Variants in PDE1C observed in about 807,000 individuals in gnomAD.
The protein encoded by PDE1C is dual specificity calcium/calmodulin-dependent 3',5'-cyclic nucleotide phosphodiesterase 1C.
Under a neutral mutation model 93.1 loss-of-function variants are expected in PDE1C, and 62 were observed. That is an observed-to-expected ratio of 0.67 (90% CI 0.54 to 0.82). The LOEUF is 0.82. Among genes scored for constraint, PDE1C ranks in the 40% least tolerant of loss-of-function variants. PDE1C has a pLI of 0.00. For missense variants in PDE1C, 742 were observed against 884.6 expected, an observed-to-expected ratio of 0.84 and a Z score of 2.04; for synonymous variants, 325 against 310.1, an observed-to-expected ratio of 1.05 and a Z score of -0.50.
At chr7:31,709,780 T>C in the PDE1C span, among the ~76,000 whole-genome samples, 1 of 152,160 alleles carries the variant, frequency 6.6e-6, no homozygotes, top group Non-Finnish European at 1.5e-5. Flanking sequence ...AATTTCATGA[T>C]TAGCATTATA....
At chr7:31,974,504 AC>A (rs1811382869) in intron 2 of PDE1C, among the ~76,000 whole-genome samples, 1 of 152,200 alleles carries the variant, frequency 6.6e-6, no homozygotes, top group Admixed American at 6.5e-5. Context: ...ACTAAACTGT[AC>A]TAACAACACC....
intron 16 of PDE1C, among the ~76,000 whole-genome samples, chr7:31,779,666 A>G (rs1183620248): frequency 6.6e-6 from 1 of 152,200 alleles, no homozygotes; most frequent in Non-Finnish European, 1.5e-5. Flanking sequence ...GCGGGGATAC[A>G]TAAAATAAAA....
chr7:32,114,280 A>G (rs1798858801), intron 3 of PDE1C, among the ~76,000 whole-genome samples: 1 of 152,212 alleles, frequency 6.6e-6, no homozygotes, highest in Non-Finnish European at 1.5e-5. Flanking sequence ...AGACATATAT[A>G]CCAACGGAAC....
At chr7:31,722,308 CT>C in the PDE1C span, among the ~76,000 whole-genome samples, 1 of 152,152 alleles carries the variant, frequency 6.6e-6, no homozygotes, top group Non-Finnish European at 1.5e-5. Flanking sequence ...AACCTGACTG[CT>C]TTTATGGTCT....
intron 1 of PDE1C, among the ~76,000 whole-genome samples, chr7:32,053,506 T>C (rs1476032292): frequency 6.6e-6 from 1 of 152,086 alleles, no homozygotes; most frequent in Non-Finnish European, 1.5e-5. Context: ...AAGGTACAAC[T>C]GGCAAGACGA....
At chr7:32,072,500 T>G (rs959177176), upstream of PDE1C, among the ~76,000 whole-genome samples, 1 of 152,134 alleles carries the variant, frequency 6.6e-6, no homozygotes, top group African/African-American at 2.4e-5. Context: ...CAAGAGGAAA[T>G]TTTTATAGTG....
chr7:31,887,118 G>A (rs1174495156), intron 2 of PDE1C, among the ~76,000 whole-genome samples: 1 of 152,150 alleles, frequency 6.6e-6, no homozygotes, highest in Non-Finnish European at 1.5e-5. Flanking sequence ...TAATCAGGCT[G>A]GTCTGATACT....
intron 1 of PDE1C, among the ~76,000 whole-genome samples, chr7:32,317,563 A>G (rs190783250): frequency 3.9e-5 from 6 of 152,010 alleles, no homozygotes; most frequent in Non-Finnish European, 7.4e-5. Flanking sequence ...AAGAGTGATA[A>G]AAAGACATGA....
chr7:31,818,028 G>T (rs1788481075), intron 14 of PDE1C, among the ~76,000 whole-genome samples: 1 of 152,056 alleles, frequency 6.6e-6, no homozygotes, highest in Non-Finnish European at 1.5e-5. Context: ...TAAGATTCTG[G>T]AGAAGGAGGG....
intron 2 of PDE1C, among the ~76,000 whole-genome samples, chr7:31,982,704 T>C (rs1367006298): frequency 6.6e-6 from 1 of 152,090 alleles, no homozygotes; most frequent in African/African-American, 2.4e-5. Context: ...ATAACAATTG[T>C]AGAATCTAGA....
chr7:31,667,849 T>A, the PDE1C span, among the ~76,000 whole-genome samples: 23 of 151,800 alleles, frequency 1.5e-4, no homozygotes, highest in African/African-American at 5.6e-4. Context: ...AAAAAAAAAT[T>A]CAAGCCACAG....
Position 31,998,887 on chromosome 7 carries a change from A to G in PDE1C, c.128+52667T>C, listed in dbSNP as rs149800401. On this transcript the variant is annotated intron_variant, in intron 2 of 17. Transcript: ENST00000396191. Reference sequence around the variant, plus strand: ...AACAGTTTAATTACAGCTACTCTCTATGCAAAATCCACTGCAACCAAGCAG... The same window carrying G: ...AACAGTTTAATTACAGCTACTCTCTGTGCAAAATCCACTGCAACCAAGCAG... Among the ~76,000 whole-genome samples the G allele has an allele frequency of 4.6e-3, 707 of 152,144 alleles. 4 individuals carry two copies. Among genetic ancestry groups the G allele is most frequent in the African/African-American group, 0.016 (653 of 41,424 alleles).
chr7:32,272,724 C>T (rs1811047741), intron 1 of PDE1C, among the ~76,000 whole-genome samples: 1 of 152,160 alleles, frequency 6.6e-6, no homozygotes, highest in African/African-American at 2.4e-5. Flanking sequence ...CACCCCCTTC[C>T]ACTAAGCCAG....
intron 2 of PDE1C, among the ~76,000 whole-genome samples, chr7:31,948,989 C>T (rs929763081): frequency 1.4e-4 from 22 of 152,070 alleles, no homozygotes; most frequent in African/African-American, 5.3e-4. Flanking sequence ...AAATGGCAAA[C>T]TTTAGGGGTG....
At chr7:31,794,077 C>CAGAT (rs1196325805) in intron 16 of PDE1C, among the ~76,000 whole-genome samples, 109 of 135,094 alleles carry the variant, frequency 8.1e-4, no homozygotes, top group African/African-American at 2.2e-3. Flanking sequence ...GACAGACAGA[C>CAGAT]AGACAGACAG....
At chr7:32,026,532 T>C (rs1789462033) in intron 2 of PDE1C, among the ~76,000 whole-genome samples, 1 of 152,144 alleles carries the variant, frequency 6.6e-6, no homozygotes, top group Non-Finnish European at 1.5e-5. Flanking sequence ...CACCAAATGC[T>C]GTAGAGGATG....
At chr7:31,726,021 G>A in the PDE1C span, among the ~76,000 whole-genome samples, 1 of 152,076 alleles carries the variant, frequency 6.6e-6, no homozygotes, top group Non-Finnish European at 1.5e-5. Flanking sequence ...TATACATTTT[G>A]GTGTATTTGT....
At chr7:31,719,933 C>T in the PDE1C span, among the ~76,000 whole-genome samples, 1 of 150,874 alleles carries the variant, frequency 6.6e-6, no homozygotes, top group Non-Finnish European at 1.5e-5. Context: ...GAGGCCGAGG[C>T]GGGTGGATCA....
chr7:31,720,119 C>T, the PDE1C span, among the ~76,000 whole-genome samples: 4 of 137,820 alleles, frequency 2.9e-5, no homozygotes, highest in Admixed American at 2.3e-4. Flanking sequence ...GCCGAGATTG[C>T]GCCACTGCAG....
Sources: gnomAD v4.1 joint callset for allele counts (sites outside exome capture counted in the v4.1 genomes callset) on GRCh38, gnomAD v4.1.1 for gene constraint, MANE v1.5 for transcripts, NCBI Gene and HGNC (gene_info 2026-07-23, HGNC 2026-07-21) for gene names.